The following RCC1L variants were observed in gnomAD, a reference collection of about 807,000 sequenced individuals.
RCC1L encodes RCC1-like G exchanging factor-like protein.
RCC1L carries 46 observed loss-of-function variants against 58.6 expected under a neutral mutation model. The observed-to-expected ratio is 0.79, with a 90% CI of 0.62 to 1.00. The LOEUF (loss-of-function observed/expected upper bound fraction) is 1.00. Ranked by LOEUF, RCC1L falls within the 50% of genes least tolerant of loss-of-function variation. The pLI, the probability that RCC1L is intolerant of heterozygous loss-of-function variation, is 0.00. For synonymous variants in RCC1L, 281 were observed against 262.9 expected (o/e 1.07, Z -0.67); for missense variants, 636 against 623.6 (o/e 1.02, Z -0.21).
chr7:75,056,563 G>C (rs1272073521), intron 8 of RCC1L: 3 of 1,529,884 alleles, frequency 2.0e-6, no homozygotes, highest in Non-Finnish European at 1.7e-6. Context: ...ATATTTCATC[G>C]TTATCCAAAG....
intron 4 of RCC1L, 139 bp downstream of exon 4, chr7:75,064,443 C>T (rs1806387290): frequency 5.7e-6 from 5 of 874,580 alleles, no homozygotes; most frequent in South Asian, 1.4e-5. Flanking sequence ...GACAGCACTC[C>T]CCCAGCTTTC....
At chr7:75,035,902 G>A (rs1294985002) in intron 10 of RCC1L, among the ~76,000 whole-genome samples, 1 of 151,986 alleles carries the variant, frequency 6.6e-6, no homozygotes, top group African/African-American at 2.4e-5. Flanking sequence ...CCACTTAGGA[G>A]GCTGAGACAG....
rs1407931441 is a variant in RCC1L, at chr7:75,042,530, G to C, written c.*502C>G. The C allele has an allele frequency of 1.0e-6, 1 of 991,636 alleles. No homozygotes were observed. The highest frequency in any genetic ancestry group is 5.6e-5 in the Admixed American group (1 of 17,818). 61.4% of individuals were successfully genotyped at this position (991,636 alleles called of 1,614,324 possible). A position where few individuals can be genotyped will look rare whatever the true frequency, so the allele number is the denominator to read the frequency against. ...AGCTTGCGGTGTGGCAGGCGGCCAG[G>C]AAGGGCCATGAGCAGGGTGGCCTGA... On this transcript the variant is annotated 3_prime_UTR_variant, in exon 11 of 11. Coordinates refer to ENST00000610322, the MANE Select transcript of RCC1L (RefSeq NM_030798.5).
At chr7:75,070,878 T>C (rs1806701894) in intron 1 of RCC1L, 109 bp from the exon 2 acceptor site, 4 of 1,396,722 alleles carry the variant, frequency 2.9e-6, no homozygotes, top group Non-Finnish European at 3.8e-6. Context: ...TTTACGGGGG[T>C]TTTGTTTTTG....
rs192120998 is a variant in RCC1L, at chr7:75,071,979, C to T, written c.325-1210G>A. Among the ~76,000 whole-genome samples, 265 of 149,996 alleles carry T rather than the reference C, an allele frequency of 1.8e-3. 2 individuals carry two copies. Among genetic ancestry groups the T allele is most frequent in the African/African-American group, 5.8e-3 (239 of 40,968 alleles). ...AAAAAATCAAAATTTAAGCTTGGTC[C>T]CAGCTACATGGGAGGCTGAAGCAGG... On this transcript the variant is annotated intron_variant, in intron 1 of 10. Transcript: ENST00000610322.
downstream of RCC1L, among the ~76,000 whole-genome samples, chr7:75,037,486 CT>C (rs1467081820): frequency 3.0e-4 from 46 of 151,380 alleles, no homozygotes; most frequent in African/African-American, 1.1e-3. Context: ...ACCACCACCC[CT>C]GGCCATGGTT....
At chr7:75,066,909 A>G in intron 2 of RCC1L, 117 bp from the exon 3 acceptor site, 1 of 1,355,252 alleles carries the variant, frequency 7.4e-7, no homozygotes, top group Non-Finnish European at 9.7e-7. Flanking sequence ...AAGACTCATC[A>G]AGACAGGTAA....
chr7:75,073,762 T>G lies in RCC1L; in HGVS notation c.-25A>C. The stretch of plus-strand genomic sequence containing the variant: ...TCCTCCGTTCCGCGCCTCAGCAGCC[T>G]CTGGGCGCCGCCATCTTGCGTGACC... On this transcript the variant is annotated 5_prime_UTR_variant, in exon 1 of 11. Coordinates refer to ENST00000610322, the MANE Select transcript of RCC1L (RefSeq NM_030798.5). The G allele has an allele frequency of 6.7e-7, 1 of 1,492,972 alleles. No homozygotes were observed. Among genetic ancestry groups the G allele is most frequent in the African/African-American group, 1.4e-5 (1 of 70,368 alleles). 92.5% of individuals were successfully genotyped at this position (1,492,972 alleles called of 1,614,324 possible).
In RCC1L at chr7:75,056,010, A is replaced by G. The variant is rs782683468; in HGVS notation, c.1122T>C (p.Ser374=). The change falls in exon 9 of 11, where the codon AGT becomes AGC. Residue 374 remains serine (S), a synonymous_variant. Coordinates refer to ENST00000610322, the MANE Select transcript of RCC1L (RefSeq NM_030798.5). The part of the protein sequence containing the change: ...ILGKGPNLVE[S]AVPEMIPPTL... ...TGGGTGGAATCATTTCAGGGACGGC[A>G]CTTTCCACTAGGTTTGGACCTTTCC... 2 of 1,613,970 alleles carry G rather than the reference A, an allele frequency of 1.2e-6. No individual in the cohort carries two copies. Among genetic ancestry groups the G allele is most frequent in the Non-Finnish European group, 1.7e-6 (2 of 1,179,868 alleles).
Position 75,066,812 on chromosome 7 carries a change from C to T in RCC1L, c.455-20G>A, listed in dbSNP as rs1399543328. ...CCCTCGCTGGAAAAGACACAGGACA[C>T]TGATTGAGGCATGCATTTCTACCAC... On this transcript the variant is annotated intron_variant, in intron 2 of 10. Coordinates refer to ENST00000610322, the MANE Select transcript of RCC1L (RefSeq NM_030798.5). 4 of 1,590,994 alleles carry T rather than the reference C, an allele frequency of 2.5e-6. No homozygotes were observed. The highest frequency in any genetic ancestry group is 1.7e-4 in the Middle Eastern group (1 of 5,992).
intron 10 of RCC1L, 45 bp from the exon 11 acceptor site, chr7:75,043,154 C>G (rs1299875127): frequency 6.2e-7 from 1 of 1,610,584 alleles, no homozygotes; most frequent in Non-Finnish European, 8.5e-7. Flanking sequence ...GTGGCGCACC[C>G]GGAGGAGACA....
intron 10 of RCC1L, among the ~76,000 whole-genome samples, chr7:75,049,668 C>A (rs373249503): frequency 0.1 from 13,029 of 128,590 alleles, 673 homozygotes; most frequent in South Asian, 0.15. Flanking sequence ...ACCCTGTTTT[C>A]AAAAAAAAAA....
intron 5 of RCC1L, among the ~76,000 whole-genome samples, chr7:75,063,018 G>A (rs1416944445): frequency 5.9e-5 from 9 of 151,718 alleles, no homozygotes; most frequent in African/African-American, 1.9e-4. Context: ...AGGGTGGTCT[G>A]GAACTCCTGA....
intron 10 of RCC1L, among the ~76,000 whole-genome samples, chr7:75,047,951 TAA>T (rs1165495607): frequency 1.4e-4 from 10 of 72,202 alleles, no homozygotes; most frequent in African/African-American, 4.0e-4. Flanking sequence ...GGCCAATAAT[TAA>T]AAAAAAAAAA....
chr7:75,070,369 G>A (rs914393091), intron 2 of RCC1L, among the ~76,000 whole-genome samples: 3 of 152,110 alleles, frequency 2.0e-5, no homozygotes, highest in Non-Finnish European at 2.9e-5. Flanking sequence ...TCAGGAGTTC[G>A]AGACCAGCCT....
chr7:75,030,341 CTTG>C (rs1333490239), intron 10 of RCC1L, among the ~76,000 whole-genome samples: 3 of 152,304 alleles, frequency 2.0e-5, no homozygotes, highest in East Asian at 1.9e-4. Context: ...CAGTAGCAGT[CTTG>C]TTGTCAGGCC....
chr7:75,066,905 C>A, intron 2 of RCC1L, 113 bp from the exon 3 acceptor site: 1 of 1,382,998 alleles, frequency 7.2e-7, no homozygotes, highest in East Asian at 2.7e-5. Context: ...AGGAAAGACT[C>A]ATCAAGACAG....
chr7:75,057,266 C>T (rs1388450084), intron 8 of RCC1L, among the ~76,000 whole-genome samples: 2 of 152,168 alleles, frequency 1.3e-5, no homozygotes, highest in Non-Finnish European at 2.9e-5. Flanking sequence ...AGCCACCACA[C>T]CCAGCCTTCC....
Position 75,042,392 on chromosome 7 carries a change from G to T in RCC1L, c.*640C>A, listed in dbSNP as rs1805591666. 2.0e-6 allele frequency: 2 copies of T among 985,922 alleles called. No individual in the cohort carries two copies. The highest frequency in any genetic ancestry group is 9.4e-5 in the South Asian group (2 of 21,304). The allele number at this position is 985,922 out of a possible 1,614,324, so 61.1% of individuals were successfully genotyped here. A position where few individuals can be genotyped will look rare whatever the true frequency, so the allele number is the denominator to read the frequency against. On this transcript the variant is annotated 3_prime_UTR_variant, in exon 11 of 11. Coordinates refer to ENST00000610322, the MANE Select transcript of RCC1L (RefSeq NM_030798.5). ...TTGGCCTCGATTCTCTTCCTGAGGG[G>T]CTTCTTAACTTTTCCAAGCCAGGCA...
Sources: allele counts gnomAD v4.1 joint callset (sites outside exome capture counted in the v4.1 genomes callset), GRCh38; gene constraint gnomAD v4.1.1; transcripts MANE v1.5; gene names NCBI Gene and HGNC (gene_info 2026-07-23, HGNC 2026-07-21).